Variants in C12orf42 observed in about 807,000 individuals in gnomAD.
C12orf42 encodes the protein uncharacterized protein C12orf42.
C12orf42 carries 25 observed loss-of-function variants against 21.6 expected under a neutral mutation model. The ratio of observed to expected loss-of-function variants is 1.16; its 90% CI spans 0.84 to 1.62. C12orf42 has a LOEUF of 1.62. Ranked by LOEUF, C12orf42 falls within the 40% of genes most tolerant of loss-of-function variation. The probability of loss-of-function intolerance (pLI) is 0.00; values close to 1 mark genes in which losing one functional copy is unlikely to be tolerated. For synonymous variants in C12orf42, 174 were observed against 175.0 expected, an observed-to-expected ratio of 0.99 and a Z score of 0.05; for missense variants, 483 against 459.3, an observed-to-expected ratio of 1.05 and a Z score of -0.47.
the C12orf42 span, among the ~76,000 whole-genome samples, chr12:103,171,491 T>G: frequency 6.6e-6 from 1 of 152,132 alleles, no homozygotes; most frequent in African/African-American, 2.4e-5. Context: ...AGAAGGAGTA[T>G]TTTGTAACTC....
At position 103,302,228 on chromosome 12, in the gene C12orf42, A is replaced by C. The variant is rs1273182469; in HGVS notation, c.963T>G (p.His321Gln). 6.2e-7 allele frequency: 1 copy of C among 1,612,128 alleles called. No individual in the cohort carries two copies. Among genetic ancestry groups the C allele is most frequent in the Non-Finnish European group, 8.5e-7 (1 of 1,179,232 alleles). ...CCTTTATTAACCTCTTGGAGGGGAAATGGGTGGAAGCACCGGCCAGCAGAG... is the reference window on the plus strand; with the variant it reads ...CCTTTATTAACCTCTTGGAGGGGAACTGGGTGGAAGCACCGGCCAGCAGAG... ...PLPLLAGAST[H>Q]FPSKRLIKVC... Residue 321 changes from histidine to glutamine, a missense_variant, in exon 6 of 6, where the codon CAT becomes CAG. Physicochemically the swap from His to Gln is conservative, Grantham distance 24. Transcript: ENST00000548883.
At chr12:103,531,803 G>A in the C12orf42 span, among the ~76,000 whole-genome samples, 4 of 152,170 alleles carry the variant, frequency 2.6e-5, no homozygotes, top group Non-Finnish European at 5.9e-5. Flanking sequence ...CAGGTTGTTG[G>A]TTGAAGACAA....
chr12:103,420,930 C>A (rs550731546), intron 2 of C12orf42, among the ~76,000 whole-genome samples: 1 of 152,316 alleles, frequency 6.6e-6, no homozygotes, highest in South Asian at 2.1e-4. Flanking sequence ...TCTTCCCACT[C>A]AAGAAAGCAT....
Position 103,350,598 on chromosome 12 carries a change from T to TCA in C12orf42, c.259+18288_259+18289insTG, listed in dbSNP as rs2043026076. 3.9e-5 allele frequency among the ~76,000 whole-genome samples: 6 copies of TCA among 152,278 alleles called. No homozygotes were observed. In the South Asian group the frequency reaches 1.2e-3, roughly 32 times the overall value. On this transcript the variant is annotated intron_variant, in intron 4 of 5. Coordinates refer to ENST00000548883, the MANE Select transcript of C12orf42 (RefSeq NM_198521.5). ...AGGAGAAAACATAGTATATATAGGA[T>TCA]CCGGTATTATCCATAGTTTCAGTCG...
At chr12:103,513,737 G>C in the C12orf42 span, among the ~76,000 whole-genome samples, 10 of 152,096 alleles carry the variant, frequency 6.6e-5, no homozygotes, top group Non-Finnish European at 4.4e-5. Flanking sequence ...CCTTCAACAA[G>C]TGTTTATTGA....
the C12orf42 span, among the ~76,000 whole-genome samples, chr12:103,518,872 A>C: frequency 6.6e-6 from 1 of 152,172 alleles, no homozygotes; most frequent in South Asian, 2.1e-4. Context: ...ACTACTAAGA[A>C]ATAAAAATCT....
chr12:103,291,456 T>C (rs1034890769), intron 4 of C12orf42, among the ~76,000 whole-genome samples: 4 of 152,126 alleles, frequency 2.6e-5, no homozygotes, highest in Non-Finnish European at 4.4e-5. Flanking sequence ...GCAAAGCAAG[T>C]TTATTAGAGC....
the C12orf42 span, among the ~76,000 whole-genome samples, chr12:103,181,265 A>C: frequency 7.1e-6 from 1 of 141,490 alleles, no homozygotes; most frequent in Non-Finnish European, 1.5e-5. Flanking sequence ...CATCTAAAAA[A>C]ATAAATAAAT....
At chr12:103,371,162 G>A (rs377223067) in intron 3 of C12orf42, among the ~76,000 whole-genome samples, 1 of 152,126 alleles carries the variant, frequency 6.6e-6, no homozygotes, top group Admixed American at 6.6e-5. Flanking sequence ...CCTACTGAAA[G>A]GGTAAGGTTT....
the C12orf42 span, among the ~76,000 whole-genome samples, chr12:103,059,848 T>C: frequency 1.8e-4 from 27 of 152,262 alleles, no homozygotes; most frequent in Middle Eastern, 6.8e-3. Context: ...GTAAGAACTA[T>C]TTGTGACAAA....
chr12:103,453,244 T>G (rs1043282358), intron 2 of C12orf42, among the ~76,000 whole-genome samples: 1 of 151,284 alleles, frequency 6.6e-6, no homozygotes, highest in Non-Finnish European at 1.5e-5. Flanking sequence ...TTATTATTTA[T>G]CTTATATAAA....
intron 5 of C12orf42, among the ~76,000 whole-genome samples, chr12:103,304,833 C>T (rs765970432): frequency 7.2e-5 from 11 of 152,188 alleles, no homozygotes; most frequent in Non-Finnish European, 1.6e-4. Flanking sequence ...GGTCTCCCAG[C>T]CCCCTGCTTG....
the C12orf42 span, among the ~76,000 whole-genome samples, chr12:103,184,733 A>C: frequency 8.6e-6 from 1 of 116,736 alleles, no homozygotes; most frequent in African/African-American, 3.4e-5. Flanking sequence ...CCAAATATAT[A>C]TGTTAAAGTT....
chr12:103,385,693 G>T (rs2046554057), intron 3 of C12orf42, among the ~76,000 whole-genome samples: 1 of 152,004 alleles, frequency 6.6e-6, no homozygotes, highest in Non-Finnish European at 1.5e-5. Flanking sequence ...AATTTCACTT[G>T]CCCAATCAGA....
chr12:103,086,380 A>G, the C12orf42 span, among the ~76,000 whole-genome samples: 1 of 151,820 alleles, frequency 6.6e-6, no homozygotes, highest in Non-Finnish European at 1.5e-5. Flanking sequence ...AGATGAAAAA[A>G]AAAGAGAGAA....
At chr12:103,098,753 C>A in the C12orf42 span, among the ~76,000 whole-genome samples, 1 of 152,160 alleles carries the variant, frequency 6.6e-6, no homozygotes, top group Non-Finnish European at 1.5e-5. Flanking sequence ...AAACAGGACA[C>A]CCACAAAAGT....
chr12:103,108,942 C>T, the C12orf42 span, among the ~76,000 whole-genome samples: 1 of 152,108 alleles, frequency 6.6e-6, no homozygotes, highest in Non-Finnish European at 1.5e-5. Context: ...TGTTGAGGCA[C>T]ACAAGGAAGA....
chr12:103,220,924 C>T, the C12orf42 span, among the ~76,000 whole-genome samples: 4 of 152,200 alleles, frequency 2.6e-5, no homozygotes, highest in East Asian at 7.7e-4. Flanking sequence ...CATTTCTAAT[C>T]TCTAACTGAC....
the C12orf42 span, among the ~76,000 whole-genome samples, chr12:103,090,731 G>A: frequency 3.3e-5 from 5 of 152,090 alleles, no homozygotes; most frequent in African/African-American, 7.2e-5. Context: ...CATTTCAACC[G>A]GGAGTTGTAG....
Sources: allele counts gnomAD v4.1 joint callset (sites outside exome capture counted in the v4.1 genomes callset), GRCh38; gene constraint gnomAD v4.1.1; transcripts MANE v1.5; gene names NCBI Gene and HGNC (gene_info 2026-07-23, HGNC 2026-07-21).